RFC1: variants seen among roughly 807,000 people sequenced by gnomAD.
RFC1 encodes replication factor C subunit 1.
A neutral mutation model predicts 137.4 loss-of-function variants in RFC1; 37 were observed. The observed-to-expected ratio is 0.27, with a 90% CI of 0.21 to 0.35. RFC1 has a LOEUF of 0.35. Among genes scored for constraint, RFC1 ranks in the 10% least tolerant of loss-of-function variants. The pLI is 1.00. For synonymous variants in RFC1, 429 were observed against 455.7 expected (o/e 0.94, Z 0.75); for missense variants, 1,205 against 1,358.5 (o/e 0.89, Z 1.78).
At chr4:39,341,771 T>C in intron 4 of RFC1, 1 of 411,486 alleles carries the variant, frequency 2.4e-6, no homozygotes, top group South Asian at 1.7e-5. Context: ...AAAAGAACAA[T>C]ATCCATGAAA....
At chr4:39,323,719 T>C (rs1046528090) in intron 6 of RFC1, among the ~76,000 whole-genome samples, 1 of 152,220 alleles carries the variant, frequency 6.6e-6, no homozygotes, top group Non-Finnish European at 1.5e-5. Flanking sequence ...ATGGTTCTTA[T>C]GCAACACAGC....
intron 15 of RFC1, among the ~76,000 whole-genome samples, chr4:39,304,426 C>T (rs558925636): frequency 2.0e-5 from 3 of 152,174 alleles, no homozygotes; most frequent in Non-Finnish European, 4.4e-5. Flanking sequence ...ATCTGCTGGC[C>T]TTATTACCTC....
At chr4:39,321,198 A>T (rs1739501839) in intron 8 of RFC1, 89 bp downstream of exon 8, 5 of 997,750 alleles carry the variant, frequency 5.0e-6, no homozygotes, top group South Asian at 1.4e-5. Flanking sequence ...ACAATACATA[A>T]TTACTGAATA....
chr4:39,307,004 G>A (rs890816383), intron 13 of RFC1, among the ~76,000 whole-genome samples: 9 of 152,206 alleles, frequency 5.9e-5, no homozygotes, highest in Admixed American at 1.3e-4. Context: ...GCACGCTGCC[G>A]GGGCTCGATC....
intron 22 of RFC1, 42 bp from the exon 23 acceptor site, chr4:39,291,894 C>A: frequency 7.2e-7 from 1 of 1,394,450 alleles, no homozygotes; most frequent in South Asian, 1.2e-5. Context: ...AGCAAAGTAT[C>A]AACTCAAGTC....
chr4:39,344,537 G>A (rs12650831), intron 3 of RFC1, among the ~76,000 whole-genome samples: 14,112 of 152,238 alleles, frequency 0.093, 819 homozygotes, highest in East Asian at 0.19. Context: ...CGAGGAAGGC[G>A]AATTGTTTGA....
intron 1 of RFC1, among the ~76,000 whole-genome samples, chr4:39,355,378 C>G (rs1025528923): frequency 6.6e-6 from 1 of 151,762 alleles, no homozygotes; most frequent in Admixed American, 6.6e-5. Context: ...TGCAGTGAGC[C>G]ATGACCATCA....
intron 19 of RFC1, 43 bp downstream of exon 19, chr4:39,302,234 GT>G (rs1293427359): frequency 8.1e-7 from 1 of 1,229,618 alleles, no homozygotes; most frequent in Non-Finnish European, 1.2e-6. Context: ...AACAAGAAGT[GT>G]TTTGGCTTAG....
intron 19 of RFC1, among the ~76,000 whole-genome samples, chr4:39,300,820 A>G (rs1738317270): frequency 6.6e-6 from 1 of 152,174 alleles, no homozygotes; most frequent in Admixed American, 6.5e-5. Flanking sequence ...GGGGCAGGGC[A>G]TGGTGGCTCA....
chr4:39,348,119 T>A (rs1255852579), intron 2 of RFC1, among the ~76,000 whole-genome samples: 2 of 152,170 alleles, frequency 1.3e-5, no homozygotes, highest in African/African-American at 4.8e-5. Flanking sequence ...CCTGTCCGTA[T>A]TTCAGAAAAT....
intron 14 of RFC1, 59 bp downstream of exon 14, chr4:39,306,533 T>A (rs746823990): frequency 5.2e-5 from 45 of 873,408 alleles, no homozygotes; most frequent in Non-Finnish European, 7.6e-5. Flanking sequence ...CACACTTTTA[T>A]CTCCTAGCCA....
At chr4:39,333,956 T>A (rs184726195) in intron 4 of RFC1, among the ~76,000 whole-genome samples, 5 of 152,086 alleles carry the variant, frequency 3.3e-5, no homozygotes, top group African/African-American at 1.2e-4. Context: ...AAAGTGCAAA[T>A]AAGGCTCCTT....
chr4:39,315,183 A>C (rs1739177024), intron 10 of RFC1, among the ~76,000 whole-genome samples: 1 of 152,240 alleles, frequency 6.6e-6, no homozygotes, highest in Admixed American at 6.5e-5. Flanking sequence ...GCTCTTGCTA[A>C]GGCCACTAAG....
intron 2 of RFC1, among the ~76,000 whole-genome samples, chr4:39,348,431 A>AG (rs1560619852): frequency 1.2e-5 from 1 of 83,920 alleles, no homozygotes; most frequent in Non-Finnish European, 2.6e-5. Context: ...TCAAAAAAGA[A>AG]AAGAAAAGAA....
At chr4:39,337,668 A>G (rs1239250321) in intron 4 of RFC1, among the ~76,000 whole-genome samples, 1 of 152,184 alleles carries the variant, frequency 6.6e-6, no homozygotes, top group Non-Finnish European at 1.5e-5. Context: ...AACATCTAAG[A>G]GAAGCTCTCT....
intron 4 of RFC1, among the ~76,000 whole-genome samples, chr4:39,334,696 TGAG>T (rs1001678196): frequency 9.2e-5 from 14 of 152,324 alleles, no homozygotes; most frequent in Admixed American, 7.8e-4. Flanking sequence ...TAAGTCAAAT[TGAG>T]GAGAACTGGT....
chr4:39,327,803 T>G, intron 4 of RFC1, 47 bp from the exon 5 acceptor site: 1 of 1,380,390 alleles, frequency 7.2e-7, no homozygotes, highest in South Asian at 1.4e-5. Context: ...ATCAATTCGG[T>G]TATACAAAGA....
At chr4:39,288,959 G>C in intron 24 of RFC1, 115 bp from the exon 25 acceptor site, 6 of 735,894 alleles carry the variant, frequency 8.2e-6, no homozygotes, top group Non-Finnish European at 1.1e-5. Flanking sequence ...AAAGAAGAGA[G>C]GCTGCAAACA....
Position 39,342,459 on chromosome 4 carries a change from A to G in RFC1, c.217T>C (p.Ser73Pro), listed in dbSNP as rs148989502. The G allele has an allele frequency of 1.9e-6, 3 of 1,612,658 alleles. No individual in the cohort carries two copies. In the East Asian group the frequency reaches 6.7e-5, roughly 36 times the overall value. The change falls in exon 4 of 25, where the codon TCA (serine) becomes CCA (proline). Residue 73 changes from serine to proline, a missense_variant. Coordinates refer to ENST00000349703, the MANE Select transcript of RFC1 (RefSeq NM_002913.5). The part of the protein sequence containing the change: ...KRIIYDSDSE[S>P]EETLQVKNAK... ...TTTTTTACCTGCAACGTCTCCTCTG[A>G]CTCTGAATCTGTATGTGAGAGAAAA...
Sources: gnomAD v4.1 joint callset for allele counts (sites outside exome capture counted in the v4.1 genomes callset) on GRCh38, gnomAD v4.1.1 for gene constraint, MANE v1.5 for transcripts, NCBI Gene and HGNC (gene_info 2026-07-23, HGNC 2026-07-21) for gene names.